NAV3: variants seen among roughly 807,000 people sequenced by gnomAD.
The protein encoded by NAV3 is neuron navigator 3.
In NAV3, 87 loss-of-function variants were observed where a neutral mutation model predicts 244.7. That is an observed-to-expected ratio of 0.36 (90% CI 0.30 to 0.42). NAV3 has a LOEUF of 0.42. Among genes scored for constraint, NAV3 ranks in the 20% least tolerant of loss-of-function variants. The probability of loss-of-function intolerance (pLI) is 1.00; values close to 1 mark genes in which losing one functional copy is unlikely to be tolerated. For missense variants in NAV3, 2,663 were observed against 2,893.3 expected, an observed-to-expected ratio of 0.92 and a Z score of 1.83; for synonymous variants, 1,126 against 1,042.2, an observed-to-expected ratio of 1.08 and a Z score of -1.55.
chr12:77,843,979 G>A (rs1171066284), intron 1 of NAV3, among the ~76,000 whole-genome samples: 1 of 152,194 alleles, frequency 6.6e-6, no homozygotes, highest in African/African-American at 2.4e-5. Context: ...AATTTTTGCT[G>A]TGCAATTCTG....
intron 39 of NAV3, 132 bp from the exon 40 acceptor site, chr12:78,210,266 A>T (rs1369828987): frequency 7.1e-7 from 1 of 1,404,034 alleles, no homozygotes; most frequent in Non-Finnish European, 9.6e-7. Flanking sequence ...ACGAGTAAAA[A>T]TCTAAAATTA....
chr12:77,869,921 T>C (rs1880682108), intron 1 of NAV3, among the ~76,000 whole-genome samples: 1 of 152,196 alleles, frequency 6.6e-6, no homozygotes, highest in Non-Finnish European at 1.5e-5. Context: ...ACGCATATGT[T>C]CAATTCTGTT....
intron 3 of NAV3, among the ~76,000 whole-genome samples, chr12:77,941,522 A>G (rs557142174): frequency 6.6e-6 from 1 of 152,346 alleles, no homozygotes; most frequent in South Asian, 2.1e-4. Context: ...CTTTGTTCAT[A>G]ACAAAGTCCA....
At chr12:78,034,771 G>GA (rs1013507992) in intron 9 of NAV3, among the ~76,000 whole-genome samples, 3 of 152,060 alleles carry the variant, frequency 2.0e-5, no homozygotes, top group Non-Finnish European at 4.4e-5. Flanking sequence ...CAAAATGAAA[G>GA]AAAAAAGATT....
chr12:77,776,489 A>G (rs75223597), intron 2 of NAV3, among the ~76,000 whole-genome samples: 4,271 of 152,264 alleles, frequency 0.028, 227 homozygotes, highest in African/African-American at 0.098. Flanking sequence ...AAGTTATTCA[A>G]TTTTAGGTAA....
intron 1 of NAV3, among the ~76,000 whole-genome samples, chr12:77,889,503 G>A (rs1883686393): frequency 6.6e-6 from 1 of 152,044 alleles, no homozygotes; most frequent in African/African-American, 2.4e-5. Context: ...CTGAAATACT[G>A]GACAATTAAT....
chr12:77,614,718 G>A (rs1306394186), intron 2 of NAV3, among the ~76,000 whole-genome samples: 1 of 152,138 alleles, frequency 6.6e-6, no homozygotes, highest in Non-Finnish European at 1.5e-5. Flanking sequence ...TTTAACCTAT[G>A]TAAATGGTAG....
chr12:77,873,080 A>C (rs2136478332), intron 1 of NAV3, among the ~76,000 whole-genome samples: 2 of 152,296 alleles, frequency 1.3e-5, no homozygotes, highest in South Asian at 4.1e-4. Flanking sequence ...ATTTCCCAAC[A>C]CACATGCTCT....
rs751973055 is a variant in NAV3 at position 77,857,972 on chromosome 12, G to A, written c.243+26268G>A. 1.3e-4 allele frequency among the ~76,000 whole-genome samples: 19 copies of A among 151,894 alleles called. No homozygotes were observed. In the South Asian group the frequency reaches 1.5e-3, roughly 12 times the overall value. On this transcript the variant is annotated intron_variant, in intron 1 of 39. Coordinates refer to ENST00000397909, the MANE Select transcript of NAV3 (RefSeq NM_001024383.2). ...CATGGATAAGAAGGAAATTCATTTC[G>A]AGTACCAAATGCTATCCATGCAATT... is the stretch of plus-strand genomic sequence containing the variant.
intron 3 of NAV3, among the ~76,000 whole-genome samples, chr12:77,961,463 T>C (rs975775891): frequency 1.4e-5 from 2 of 140,526 alleles, no homozygotes; most frequent in African/African-American, 5.1e-5. Context: ...TATGTATATA[T>C]ACATATGTAT....
intron 2 of NAV3, among the ~76,000 whole-genome samples, chr12:77,659,116 A>C (rs1873290168): frequency 1.3e-5 from 2 of 151,810 alleles, no homozygotes; most frequent in Non-Finnish European, 2.9e-5. Context: ...AATGGGATCT[A>C]ATTAAACTAA....
chr12:77,664,298 C>G (rs1337012020), intron 2 of NAV3, among the ~76,000 whole-genome samples: 1 of 152,162 alleles, frequency 6.6e-6, no homozygotes, highest in African/African-American at 2.4e-5. Context: ...GAACAGTTTT[C>G]TAGTCCTGCA....
intron 2 of NAV3, among the ~76,000 whole-genome samples, chr12:77,643,680 C>T: frequency 6.6e-6 from 1 of 151,808 alleles, no homozygotes; most frequent in East Asian, 1.9e-4. Context: ...ATCCTATTTA[C>T]ATTTACTTAA....
At chr12:77,712,157 C>A (rs1165045529) in intron 2 of NAV3, among the ~76,000 whole-genome samples, 1 of 152,096 alleles carries the variant, frequency 6.6e-6, no homozygotes, top group Non-Finnish European at 1.5e-5. Context: ...TGGTCCACTC[C>A]TTAAGCCACA....
chr12:78,016,556 AC>A (rs1876249532), intron 8 of NAV3, among the ~76,000 whole-genome samples: 1 of 152,156 alleles, frequency 6.6e-6, no homozygotes. Flanking sequence ...CCTGTCTGTC[AC>A]CTGTCTGCCT....
chr12:78,154,537 G>A (rs393239), intron 22 of NAV3, among the ~76,000 whole-genome samples: 53,433 of 150,372 alleles, frequency 0.36, 9,822 homozygotes, highest in East Asian at 0.47. Context: ...TTTTGCACCA[G>A]CCTAATACAT....
chr12:77,808,842 G>A (rs1020083832), intron 2 of NAV3, among the ~76,000 whole-genome samples: 3 of 152,196 alleles, frequency 2.0e-5, no homozygotes, highest in African/African-American at 7.2e-5. Flanking sequence ...TCCTGACTGG[G>A]GCTGCTGCCT....
intron 2 of NAV3, among the ~76,000 whole-genome samples, chr12:77,601,278 A>G (rs711111): frequency 0.34 from 51,038 of 151,790 alleles, 8,941 homozygotes; most frequent in Middle Eastern, 0.45. Context: ...TTTGAAACTA[A>G]GTACTGTGGT....
At chr12:78,085,712 C>A (rs924191446) in intron 12 of NAV3, among the ~76,000 whole-genome samples, 1 of 152,048 alleles carries the variant, frequency 6.6e-6, no homozygotes, top group Non-Finnish European at 1.5e-5. Flanking sequence ...AAATGGAAAA[C>A]TGGCACTTAG....
Sources: allele counts gnomAD v4.1 joint callset (sites outside exome capture counted in the v4.1 genomes callset), GRCh38; gene constraint gnomAD v4.1.1; transcripts MANE v1.5; gene names NCBI Gene and HGNC (gene_info 2026-07-23, HGNC 2026-07-21).